The following GFOD1 variants were observed in gnomAD, a reference collection of about 807,000 sequenced individuals.
The protein encoded by GFOD1 is Gfo/Idh/MocA-like oxidoreductase domain containing 1.
GFOD1 carries 9 observed loss-of-function variants against 25.4 expected under a neutral mutation model. That is an observed-to-expected ratio of 0.35 (90% CI 0.21 to 0.62). The LOEUF (loss-of-function observed/expected upper bound fraction) is 0.62, where lower values mean the gene tolerates loss of function less well. Ranked by LOEUF, GFOD1 falls within the 20% of genes least tolerant of loss-of-function variation. The pLI, the probability that GFOD1 is intolerant of heterozygous loss-of-function variation, is 0.72. For synonymous variants in GFOD1, 253 were observed against 245.6 expected (o/e 1.03, Z -0.28); for missense variants, 403 against 556.9 (o/e 0.72, Z 2.78).
chr6:13,472,622 T>C (rs2127577827), intron 1 of GFOD1, among the ~76,000 whole-genome samples: 1 of 152,322 alleles, frequency 6.6e-6, no homozygotes, highest in African/African-American at 2.4e-5. Context: ...CCCCGGGCAG[T>C]GCCCACACAC....
At chr6:13,459,117 G>A (rs1379255359) in intron 1 of GFOD1, among the ~76,000 whole-genome samples, 1 of 152,124 alleles carries the variant, frequency 6.6e-6, no homozygotes, top group Non-Finnish European at 1.5e-5. Flanking sequence ...GGTTAATGCT[G>A]CTATCAAAAG....
chr6:13,436,561 T>C (rs1757836131), intron 1 of GFOD1, among the ~76,000 whole-genome samples: 2 of 152,254 alleles, frequency 1.3e-5, no homozygotes, highest in Admixed American at 1.3e-4. Context: ...GTTGTATTAA[T>C]ATGACACAAT....
At chr6:13,382,576 T>C (rs556816413) in intron 1 of GFOD1, among the ~76,000 whole-genome samples, 35 of 152,346 alleles carry the variant, frequency 2.3e-4, no homozygotes, top group African/African-American at 8.4e-4. Flanking sequence ...GTCTCAGGTA[T>C]GTCTTTATTA....
rs145322807 is a variant in GFOD1 at position 13,481,908 on chromosome 6, T to G, written c.253+4730A>C. 1.2e-3 allele frequency among the ~76,000 whole-genome samples: 177 copies of G among 152,304 alleles called. 1 individual carries two copies. The highest frequency in any genetic ancestry group is 2.0e-3 in the Non-Finnish European group (135 of 68,030). On this transcript the variant is annotated intron_variant, in intron 1 of 1. Coordinates refer to ENST00000379287, the MANE Select transcript of GFOD1 (RefSeq NM_018988.4). Reference sequence around the variant, plus strand: ...TGTGCAAAATGACATATGCTCAAGATTATTCATTACATGGTTGTATAAGCC... The same window carrying G: ...TGTGCAAAATGACATATGCTCAAGAGTATTCATTACATGGTTGTATAAGCC...
In GFOD1 at chr6:13,394,466, A is replaced by ATTTTTTTTT. The variant is rs70989855; in HGVS notation, c.254-28813_254-28805dup. On this transcript the variant is annotated intron_variant, in intron 1 of 1. Coordinates refer to ENST00000379287, the MANE Select transcript of GFOD1 (RefSeq NM_018988.4). ...GCATATCTGCTTTTGTACCCTTTGA[A>ATTTTTTTTT]TTTTTTTTTTTTTTTTTTTTTTTTT... Among the ~76,000 whole-genome samples, 396 of 75,918 alleles carry ATTTTTTTTT rather than the reference A, an allele frequency of 5.2e-3. 33 individuals carry two copies. Among genetic ancestry groups the ATTTTTTTTT allele is most frequent in the African/African-American group, 0.02 (359 of 18,266 alleles). 49.8% of individuals were successfully genotyped at this position (75,918 alleles called of 152,430 possible).
At chr6:13,380,656 A>T (rs895041842) in intron 1 of GFOD1, among the ~76,000 whole-genome samples, 5 of 152,170 alleles carry the variant, frequency 3.3e-5, no homozygotes, top group African/African-American at 1.2e-4. Context: ...ACTTAGCTAC[A>T]CACATTATTA....
chr6:13,426,086 A>T (rs1310706067), intron 1 of GFOD1, among the ~76,000 whole-genome samples: 1 of 152,224 alleles, frequency 6.6e-6, no homozygotes, highest in Non-Finnish European at 1.5e-5. Flanking sequence ...TCTACCTCTA[A>T]GTCTCCAGGG....
chr6:13,472,638 T>G (rs1275887161), intron 1 of GFOD1, among the ~76,000 whole-genome samples: 1 of 152,198 alleles, frequency 6.6e-6, no homozygotes, highest in East Asian at 1.9e-4. Flanking sequence ...CACACCCATT[T>G]CTGTAGTGCC....
rs1784934642 is a variant in GFOD1 at position 13,360,778 on chromosome 6, A to G, written c.*3965T>C. 2.2e-6 allele frequency: 1 copy of G among 456,632 alleles called. No individual in the cohort carries two copies. The highest frequency in any genetic ancestry group is 2.0e-5 in the African/African-American group (1 of 50,086). The allele number at this position is 456,632 out of a possible 1,614,324, so 28.3% of individuals were successfully genotyped here. A position where few individuals can be genotyped will look rare whatever the true frequency, so the allele number is the denominator to read the frequency against. ...GCTGAGTGGAGCCGCAGGTTAGTCC[A>G]TGCTTGTCACAGTCCTTCCTGGGTG... On this transcript the variant is annotated 3_prime_UTR_variant, in exon 2 of 2. Coordinates refer to ENST00000379287, the MANE Select transcript of GFOD1 (RefSeq NM_018988.4).
chr6:13,472,256 T>C (rs552160627), intron 1 of GFOD1, among the ~76,000 whole-genome samples: 3 of 152,294 alleles, frequency 2.0e-5, no homozygotes, highest in African/African-American at 7.2e-5. Flanking sequence ...CCAAACCACA[T>C]CAAAACTGCA....
Position 13,364,880 on chromosome 6 carries a change from C to A in GFOD1, c.1036G>T (p.Val346Leu). 6.2e-7 allele frequency: 1 copy of A among 1,613,982 alleles called. No individual in the cohort carries two copies. The highest frequency in any genetic ancestry group is 8.5e-7 in the Non-Finnish European group (1 of 1,180,044). Residue 346 changes from valine to leucine, a missense_variant, in exon 2 of 2, where the codon GTG becomes TTG. Transcript: ENST00000379287. This position sits in a 1 kb window ranked among gnomAD's most constrained non-coding sequence, Gnocchi z 4.1. ...CTGGACCTCTTGATGGTGTCCACCA[C>A]GCACAAGGCATACAGGCAGTCGTCG... ...TFDDCLYALC[V>L]VDTIKRSSQT...
At chr6:13,373,379 G>A (rs927805350) in intron 1 of GFOD1, among the ~76,000 whole-genome samples, 10 of 152,202 alleles carry the variant, frequency 6.6e-5, no homozygotes, top group Non-Finnish European at 1.2e-4. Context: ...GGTGTTTAAT[G>A]TGGAATCTGG....
chr6:13,443,537 C>T (rs1757951423), intron 1 of GFOD1, among the ~76,000 whole-genome samples: 1 of 152,126 alleles, frequency 6.6e-6, no homozygotes, highest in Non-Finnish European at 1.5e-5. Context: ...AATTGCCAGC[C>T]AGGCACGATG....
chr6:13,470,166 T>C, intron 1 of GFOD1: 1 of 1,540,776 alleles, frequency 6.5e-7, no homozygotes, highest in Non-Finnish European at 8.8e-7. Flanking sequence ...TCCCACTGGC[T>C]TCCCCAGCAC....
intron 1 of GFOD1, among the ~76,000 whole-genome samples, chr6:13,395,042 C>T (rs997843007): frequency 1.3e-5 from 2 of 152,166 alleles, no homozygotes; most frequent in Admixed American, 6.5e-5. Context: ...TTTAGCCTCT[C>T]AAAGTATTGG....
At chr6:13,447,159 G>C (rs1393865069) in intron 1 of GFOD1, among the ~76,000 whole-genome samples, 1 of 152,222 alleles carries the variant, frequency 6.6e-6, no homozygotes, top group African/African-American at 2.4e-5. Flanking sequence ...TATTGTCTTA[G>C]ATCTAGAGGC....
intron 1 of GFOD1, among the ~76,000 whole-genome samples, chr6:13,445,755 C>T (rs1030343717): frequency 6.6e-6 from 1 of 152,242 alleles, no homozygotes; most frequent in Non-Finnish European, 1.5e-5. Context: ...AGAAGACACA[C>T]AAACCAAGTA....
At chr6:13,379,225 T>C in intron 1 of GFOD1, among the ~76,000 whole-genome samples, 1 of 151,954 alleles carries the variant, frequency 6.6e-6, no homozygotes, top group East Asian at 1.9e-4. Context: ...AGATGTGTGA[T>C]TTTGGGGAGC....
chr6:13,391,023 A>T (rs1679840531), intron 1 of GFOD1, among the ~76,000 whole-genome samples: 1 of 152,152 alleles, frequency 6.6e-6, no homozygotes, highest in South Asian at 2.1e-4. Context: ...CAGCGCAAAG[A>T]CCATCTCCAA....
Sources: gnomAD v4.1 joint callset for allele counts (sites outside exome capture counted in the v4.1 genomes callset) on GRCh38, gnomAD v4.1.1 for gene constraint, Gnocchi (gnomAD v3.1) non-coding constraint, MANE v1.5 for transcripts, NCBI Gene and HGNC (gene_info 2026-07-23, HGNC 2026-07-21) for gene names.